The following NFAT5 variants were observed in gnomAD, a reference collection of about 807,000 sequenced individuals.
The protein encoded by NFAT5 is nuclear factor of activated T-cells 5.
In NFAT5, 31 loss-of-function variants were observed where a neutral mutation model predicts 166.5. The observed-to-expected ratio is 0.19, with a 90% confidence interval of 0.14 to 0.25. The LOEUF is 0.25. Ranked by LOEUF, NFAT5 falls within the 10% of genes least tolerant of loss-of-function variation. NFAT5 has a pLI of 1.00. For synonymous variants in NFAT5, 612 were observed against 639.7 expected, an observed-to-expected ratio of 0.96 and a Z score of 0.65; for missense variants, 1,449 against 1,821.8, an observed-to-expected ratio of 0.80 and a Z score of 3.72.
chr16:69,609,295 C>T (rs901391100), intron 2 of NFAT5, among the ~76,000 whole-genome samples: 1 of 152,154 alleles, frequency 6.6e-6, no homozygotes, highest in Non-Finnish European at 1.5e-5. Context: ...AGAGTAATGG[C>T]TGTTAGCCAG....
At chr16:69,648,939 A>G in intron 4 of NFAT5, 6 of 975,208 alleles carry the variant, frequency 6.2e-6, no homozygotes, top group Non-Finnish European at 7.3e-6. Context: ...TTTAAGCAAT[A>G]ATTACTCTAC....
At chr16:69,604,815 C>G (rs1299108968) in intron 2 of NFAT5, among the ~76,000 whole-genome samples, 1 of 152,118 alleles carries the variant, frequency 6.6e-6, no homozygotes, top group Non-Finnish European at 1.5e-5. Context: ...TACATGTGAC[C>G]TCTTATGTTT....
chr16:69,566,919 A>G lies in NFAT5; in HGVS notation c.73+545A>G, dbSNP rs1597320878. ...ACCCCCTCTCCCTCCGGCCTAGTCC[A>G]CTCCCTCCCCATGTTGGGACAGCCC... On this transcript the variant is annotated intron_variant, in intron 1 of 14. Transcript: ENST00000349945. The surrounding 1 kb of genome is among the most constrained non-coding windows in gnomAD (Gnocchi z 5.7). Among the ~76,000 whole-genome samples, 2 of 150,002 alleles carry G rather than the reference A, an allele frequency of 1.3e-5. No individual in the cohort carries two copies. The highest frequency in any genetic ancestry group is 3.9e-4 in the East Asian group (2 of 5,096).
chr16:69,678,231 G>A (rs1170920896), intron 10 of NFAT5, among the ~76,000 whole-genome samples: 32 of 151,108 alleles, frequency 2.1e-4, no homozygotes, highest in Non-Finnish European at 5.9e-5. Context: ...GCATGTGAGT[G>A]GGAGACGGAG....
chr16:69,609,122 A>G (rs7193205), intron 2 of NFAT5, among the ~76,000 whole-genome samples: 8,917 of 148,398 alleles, frequency 0.06, 282 homozygotes, highest in Middle Eastern at 0.11. Context: ...CTCCGCCTCA[A>G]AAAAAAAAAA....
intron 2 of NFAT5, among the ~76,000 whole-genome samples, chr16:69,615,762 T>A (rs1262976616): frequency 6.6e-6 from 1 of 152,160 alleles, no homozygotes; most frequent in Non-Finnish European, 1.5e-5. Context: ...TTCATCTTAC[T>A]ATGTTTACTT....
Position 69,660,594 on chromosome 16 carries a change from C to G in NFAT5, c.1369+695C>G, listed in dbSNP as rs28402794. Among the ~76,000 whole-genome samples the G allele has an allele frequency of 1.9e-3, 285 of 152,118 alleles. 3 individuals are homozygous for G. The highest frequency in any genetic ancestry group is 6.5e-3 in the African/African-American group (268 of 41,494). On this transcript the variant is annotated intron_variant, in intron 7 of 14. Transcript: ENST00000349945. ...GCAAATAACAACATGTCAGAAGTTTCAATTATTAATTATAATATTATAGTA... is the reference window on the plus strand; with the variant it reads ...GCAAATAACAACATGTCAGAAGTTTGAATTATTAATTATAATATTATAGTA...
chr16:69,586,431 C>G (rs1435692789), intron 2 of NFAT5, among the ~76,000 whole-genome samples: 1 of 151,814 alleles, frequency 6.6e-6, no homozygotes. Context: ...TAGACGGAAT[C>G]TCACTCTGTC....
chr16:69,586,505 C>T (rs2032075191), intron 2 of NFAT5, among the ~76,000 whole-genome samples: 1 of 151,994 alleles, frequency 6.6e-6, no homozygotes, highest in Non-Finnish European at 1.5e-5. Flanking sequence ...CAGGTTCAAG[C>T]AATTCTCCTG....
intron 2 of NFAT5, among the ~76,000 whole-genome samples, chr16:69,587,543 T>C (rs1231302516): frequency 6.6e-6 from 1 of 151,376 alleles, no homozygotes; most frequent in Non-Finnish European, 1.5e-5. Context: ...GCGCCGCCAC[T>C]ATGCCGGGCT....
intron 2 of NFAT5, among the ~76,000 whole-genome samples, chr16:69,574,034 G>A (rs1377637589): frequency 1.3e-5 from 2 of 151,940 alleles, no homozygotes; most frequent in Admixed American, 6.6e-5. Context: ...ACCACACCTG[G>A]CTAATACTGT....
chr16:69,609,819 G>GAAAA (rs1157655325), intron 2 of NFAT5, among the ~76,000 whole-genome samples: 1 of 75,314 alleles, frequency 1.3e-5, no homozygotes, highest in Non-Finnish European at 2.7e-5. Flanking sequence ...TGTCTCTACT[G>GAAAA]AAAAAAAAAA....
chr16:69,618,315 A>G (rs578215272), intron 2 of NFAT5, among the ~76,000 whole-genome samples: 2 of 152,364 alleles, frequency 1.3e-5, no homozygotes, highest in South Asian at 2.1e-4. Context: ...AGTGCTATGA[A>G]TAAGTAAATA....
In NFAT5 at chr16:69,692,350, A is replaced by G. The variant is rs764438107; in HGVS notation, c.2525A>G (p.Glu842Gly). The G allele has an allele frequency of 1.1e-5, 17 of 1,614,084 alleles. No individual in the cohort carries two copies. The highest frequency in any genetic ancestry group is 1.7e-5 in the Admixed American group (1 of 60,002). Reference sequence around the variant, plus strand: ...CCAGATGGTAATGAGAATGTTCAAGAGCAGCTTAGTGCAGATATTTTTCAA... The same window carrying G: ...CCAGATGGTAATGAGAATGTTCAAGGGCAGCTTAGTGCAGATATTTTTCAA... ...SAPDGNENVQ[E>G]QLSADIFQQV... Residue 842 changes from glutamate to glycine, a missense_variant, in exon 13 of 15, where the codon GAG becomes GGG. Glu to Gly is a moderately conservative substitution (Grantham distance 98, BLOSUM62 -2). Transcript: ENST00000349945.
chr16:69,605,575 C>G (rs1375827157), intron 2 of NFAT5, among the ~76,000 whole-genome samples: 1 of 152,170 alleles, frequency 6.6e-6, no homozygotes, highest in Non-Finnish European at 1.5e-5. Context: ...AAACTTCTTT[C>G]TAATTCTGAT....
intron 2 of NFAT5, among the ~76,000 whole-genome samples, chr16:69,597,350 ATATTTTATACAGT>A (rs998425287): frequency 3.3e-5 from 5 of 152,178 alleles, no homozygotes; most frequent in African/African-American, 1.2e-4. Context: ...CCAACAAGTG[ATATTTTATACAGT>A]TATTTTACAT....
intron 13 of NFAT5, 61 bp from the exon 14 acceptor site, chr16:69,695,075 T>C: frequency 8.2e-7 from 1 of 1,218,052 alleles, no homozygotes. Flanking sequence ...ATAGCTTCTA[T>C]TTTTAATGTT....
intron 14 of NFAT5, among the ~76,000 whole-genome samples, chr16:69,695,924 A>G (rs142168816): frequency 2.0e-5 from 3 of 152,302 alleles, no homozygotes; most frequent in African/African-American, 7.2e-5. Context: ...AGATTTTTTT[A>G]GGTGTATGTG....
intron 10 of NFAT5, among the ~76,000 whole-genome samples, chr16:69,682,443 C>G (rs28525492): frequency 0.046 from 6,832 of 148,316 alleles, 560 homozygotes; most frequent in African/African-American, 0.16. Flanking sequence ...CCCCCCCCCC[C>G]GCCATCCCTA....
Sources: gnomAD v4.1 joint callset for allele counts (sites outside exome capture counted in the v4.1 genomes callset) on GRCh38, gnomAD v4.1.1 for gene constraint, Gnocchi (gnomAD v3.1) non-coding constraint, MANE v1.5 for transcripts, NCBI Gene and HGNC (gene_info 2026-07-23, HGNC 2026-07-21) for gene names.